Variants in KIF3A observed in about 807,000 individuals in gnomAD.
KIF3A encodes the protein kinesin-like protein KIF3A.
KIF3A carries 27 observed loss-of-function variants against 92.6 expected under a neutral mutation model. The observed-to-expected ratio is 0.29, with a 90% CI of 0.21 to 0.40. The LOEUF is 0.40. Ranked by LOEUF, KIF3A falls within the 10% of genes least tolerant of loss-of-function variation. KIF3A has a pLI of 1.00. For missense variants in KIF3A, 581 were observed against 872.6 expected, an observed-to-expected ratio of 0.67 and a Z score of 4.21; for synonymous variants, 250 against 275.4, an observed-to-expected ratio of 0.91 and a Z score of 0.92.
In KIF3A at chr5:132,720,787, T is replaced by C. The variant is rs138614709; in HGVS notation, c.511-73A>G. ...TTATTTATTGAGTATCTCCTATGTG[T>C]TGGACACTCTACTAGACAGAGGGAA... On this transcript the variant is annotated intron_variant, in intron 4 of 18. Transcript: ENST00000403231. 136 of 810,988 alleles carry C rather than the reference T, an allele frequency of 1.7e-4. No homozygotes were observed. The African/African-American group carries it at 2.1e-3, about 12-fold the overall frequency. 50.2% of individuals were successfully genotyped at this position (810,988 alleles called of 1,614,324 possible). A position where few individuals can be genotyped will look rare whatever the true frequency, so the allele number is the denominator to read the frequency against.
intron 16 of KIF3A, 164 bp from the exon 17 acceptor site, chr5:132,700,448 C>G: frequency 1.5e-6 from 1 of 651,258 alleles, no homozygotes; most frequent in Non-Finnish European, 2.7e-6. Context: ...TAGCCCCTAA[C>G]TCTGACCATT....
intron 2 of KIF3A, among the ~76,000 whole-genome samples, chr5:132,729,417 AC>A (rs70974057): frequency 6.6e-6 from 1 of 152,070 alleles, no homozygotes; most frequent in African/African-American, 2.4e-5. Flanking sequence ...GTGCCACTGC[AC>A]CCCAGCCTGG....
intron 18 of KIF3A, 24 bp from the exon 19 acceptor site, chr5:132,696,706 A>G: frequency 1.3e-6 from 2 of 1,571,630 alleles, no homozygotes; most frequent in Non-Finnish European, 8.8e-7. Flanking sequence ...AAAAAAAGCA[A>G]TCATGAATGC....
Position 132,694,245 on chromosome 5 carries a change from A to C in KIF3A, c.*2389T>G, listed in dbSNP as rs2149888184. On this transcript the variant is annotated 3_prime_UTR_variant, in exon 19 of 19. Transcript: ENST00000403231. The stretch of plus-strand genomic sequence containing the variant: ...ATGGCAAAACCCCATCTCTACAAAA[A>C]AATACAAAAATTAGCCGAGCATGAT... The C allele has an allele frequency of 6.6e-6, 1 of 152,288 alleles. No individual in the cohort carries two copies. Among genetic ancestry groups the C allele is most frequent in the Non-Finnish European group, 1.5e-5 (1 of 68,130 alleles). 9.4% of individuals were successfully genotyped at this position (152,288 alleles called of 1,614,324 possible). A position where few individuals can be genotyped will look rare whatever the true frequency, so the allele number is the denominator to read the frequency against.
At chr5:132,698,726 T>G (rs1752920209) in intron 18 of KIF3A, among the ~76,000 whole-genome samples, 1 of 113,410 alleles carries the variant, frequency 8.8e-6, no homozygotes, top group Admixed American at 1.2e-4. Flanking sequence ...CATAAGGAAT[T>G]TGATTTTTTT....
intron 5 of KIF3A, among the ~76,000 whole-genome samples, chr5:132,719,427 T>C (rs768102779): frequency 1.3e-5 from 2 of 152,222 alleles, no homozygotes; most frequent in Non-Finnish European, 2.9e-5. Flanking sequence ...GGGTTTGATA[T>C]ATCTATCGTC....
intron 8 of KIF3A, among the ~76,000 whole-genome samples, chr5:132,711,322 T>A (rs967915716): frequency 5.3e-5 from 8 of 152,182 alleles, no homozygotes; most frequent in Admixed American, 4.6e-4. Flanking sequence ...CTAGGCAAGG[T>A]GGCGCACGCC....
rs577412461 is a variant in KIF3A, at chr5:132,717,636, TA to T, written c.617-653del. Among the ~76,000 whole-genome samples the T allele has an allele frequency of 4.3e-3, 620 of 145,382 alleles. 2 individuals carry two copies. The highest frequency in any genetic ancestry group is 7.3e-3 in the Middle Eastern group (2 of 274). On this transcript the variant is annotated intron_variant, in intron 5 of 18. Coordinates refer to ENST00000403231, the MANE Select transcript of KIF3A (RefSeq NM_001300791.2). ...AATACATAACATAATCCTACTTCTG[TA>T]AAAAAAAAAAATCCATTCAAAATAT...
At chr5:132,698,393 C>G (rs1292542026) in intron 18 of KIF3A, among the ~76,000 whole-genome samples, 1 of 152,132 alleles carries the variant, frequency 6.6e-6, no homozygotes, top group African/African-American at 2.4e-5. Context: ...ATGATACACG[C>G]AGACTACCCA....
intron 17 of KIF3A, chr5:132,699,545 C>T: frequency 3.7e-6 from 2 of 544,406 alleles, no homozygotes; most frequent in Non-Finnish European, 7.0e-6. Context: ...CTTAAAGCTG[C>T]CCCCTCTTCT....
Position 132,717,739 on chromosome 5 carries a change from T to TATAC in KIF3A, c.617-756_617-755insGTAT, listed in dbSNP as rs767770657. ...ACATTTTTTTACAATAGACCTGTATTAGTTTTTTTCTTAAATTCCAAAGTA... is the reference window on the plus strand; with the variant it reads ...ACATTTTTTTACAATAGACCTGTATTATACAGTTTTTTTCTTAAATTCCAAAGTA... On this transcript the variant is annotated intron_variant, in intron 5 of 18. Coordinates refer to ENST00000403231, the MANE Select transcript of KIF3A (RefSeq NM_001300791.2). Among the ~76,000 whole-genome samples, 53 of 151,986 alleles carry TATAC rather than the reference T, an allele frequency of 3.5e-4. 1 individual carries two copies. The highest frequency in any genetic ancestry group is 5.0e-4 in the Non-Finnish European group (34 of 68,022).
At chr5:132,711,518 G>A (rs1019201970) in intron 8 of KIF3A, among the ~76,000 whole-genome samples, 2 of 152,010 alleles carry the variant, frequency 1.3e-5, no homozygotes, top group Non-Finnish European at 2.9e-5. Flanking sequence ...CTTGAACCCA[G>A]GAGGCAGAGG....
intron 8 of KIF3A, among the ~76,000 whole-genome samples, chr5:132,712,822 G>A (rs1011787566): frequency 2.6e-5 from 4 of 152,130 alleles, no homozygotes; most frequent in African/African-American, 9.7e-5. Flanking sequence ...AGAAAGACTG[G>A]GGAATTAGAC....
chr5:132,701,502 CAAAAAAAA>C (rs5871462), intron 15 of KIF3A, among the ~76,000 whole-genome samples: 1 of 101,218 alleles, frequency 9.9e-6, no homozygotes, highest in African/African-American at 3.6e-5. Context: ...GTCTCCCTGA[CAAAAAAAA>C]AAAAAAAAAA....
chr5:132,733,952 T>C (rs907553330), intron 2 of KIF3A, among the ~76,000 whole-genome samples: 1 of 152,214 alleles, frequency 6.6e-6, no homozygotes, highest in Non-Finnish European at 1.5e-5. Flanking sequence ...ACATCATTTA[T>C]ATGACATTTC....
Position 132,726,160 on chromosome 5 carries a change from G to C in KIF3A, c.478C>G (p.Leu160Val). The C allele has an allele frequency of 6.2e-7, 1 of 1,611,816 alleles. No homozygotes were observed. The highest frequency in any genetic ancestry group is 8.5e-7 in the Non-Finnish European group (1 of 1,179,034). The change falls in exon 4 of 19, where the codon CTT becomes GTT. Residue 160 changes from leucine to valine, a missense_variant. Transcript: ENST00000403231. ...CTTTGTGTCTGATCCTTGCCCAAAAGGTCACGAACTTCTTCATTATATATT... is the reference window on the plus strand; with the variant it reads ...CTTTGTGTCTGATCCTTGCCCAAAACGTCACGAACTTCTTCATTATATATT... Reference protein sequence around the residue: ...LEIYNEEVRDLLGKDQTQRLE... With the variant: ...LEIYNEEVRDVLGKDQTQRLE...
intron 18 of KIF3A, among the ~76,000 whole-genome samples, chr5:132,698,648 A>T (rs1464470636): frequency 6.6e-6 from 1 of 152,128 alleles, no homozygotes; most frequent in Non-Finnish European, 1.5e-5. Flanking sequence ...AAATTCTATT[A>T]CTCAGAAGCC....
chr5:132,710,458 T>C (rs757025993), intron 9 of KIF3A, among the ~76,000 whole-genome samples: 2 of 151,990 alleles, frequency 1.3e-5, no homozygotes, highest in African/African-American at 2.4e-5. Context: ...CTACTAAAAA[T>C]ACAAAAAATT....
At chr5:132,726,671 A>G (rs1375091338) in intron 2 of KIF3A, among the ~76,000 whole-genome samples, 173 bp from the exon 3 acceptor site, 1 of 152,338 alleles carries the variant, frequency 6.6e-6, no homozygotes, top group African/African-American at 2.4e-5. Flanking sequence ...TCTGTACCAC[A>G]AGCACAAAGC....
Sources: allele counts gnomAD v4.1 joint callset (sites outside exome capture counted in the v4.1 genomes callset), GRCh38; gene constraint gnomAD v4.1.1; transcripts MANE v1.5; gene names NCBI Gene and HGNC (gene_info 2026-07-23, HGNC 2026-07-21).